Variants in CALN1 observed in about 807,000 individuals in gnomAD.
The protein encoded by CALN1 is calcium-binding protein 8.
A neutral mutation model predicts 30.6 loss-of-function variants in CALN1; 17 were observed. That is an observed-to-expected ratio of 0.56 (90% CI 0.38 to 0.83). The LOEUF is 0.83. Ranked by LOEUF, CALN1 falls within the 40% of genes least tolerant of loss-of-function variation. The pLI, the probability that CALN1 is intolerant of heterozygous loss-of-function variation, is 0.00. For missense variants in CALN1, 291 were observed against 354.9 expected, an observed-to-expected ratio of 0.82 and a Z score of 1.45; for synonymous variants, 156 against 131.4, an observed-to-expected ratio of 1.19 and a Z score of -1.28.
chr7:72,338,525 G>GTGTGTCTGTGTGTCTGTC, intron 2 of CALN1, among the ~76,000 whole-genome samples: 1 of 122,292 alleles, frequency 8.2e-6, no homozygotes. Context: ...GTGTGTGTGT[G>GTGTGTCTGTGTGTCTGTC]TGTCTCACCT....
chr7:72,105,228 C>A (rs1807001722), intron 4 of CALN1, among the ~76,000 whole-genome samples: 1 of 152,176 alleles, frequency 6.6e-6, no homozygotes, highest in South Asian at 2.1e-4. Context: ...GCCCCCGCAC[C>A]TGCCTTAGCT....
At chr7:72,366,599 T>C (rs1412965684) in intron 2 of CALN1, among the ~76,000 whole-genome samples, 1 of 152,126 alleles carries the variant, frequency 6.6e-6, no homozygotes, top group Non-Finnish European at 1.5e-5. Flanking sequence ...CAATGTACAT[T>C]GTACCTAATA....
At chr7:71,872,634 G>A (rs2116746045) in intron 5 of CALN1, among the ~76,000 whole-genome samples, 1 of 148,622 alleles carries the variant, frequency 6.7e-6, no homozygotes, top group South Asian at 2.1e-4. Flanking sequence ...TTTTTTTTGA[G>A]ATACAGTCTC....
intron 2 of CALN1, among the ~76,000 whole-genome samples, chr7:72,393,795 G>A (rs111419089): frequency 2.7e-5 from 4 of 148,828 alleles, no homozygotes; most frequent in African/African-American, 7.4e-5. Context: ...TGTCACCCAG[G>A]CTGCTGCACA....
intron 2 of CALN1, among the ~76,000 whole-genome samples, chr7:72,399,915 T>C (rs1176641476): frequency 6.6e-6 from 1 of 152,128 alleles, no homozygotes; most frequent in Non-Finnish European, 1.5e-5. Context: ...ATGCAAGAGC[T>C]AGTTGTTAAA....
chr7:72,422,714 TTCTC>T (rs991720435), intron 1 of CALN1, among the ~76,000 whole-genome samples: 5 of 152,366 alleles, frequency 3.3e-5, no homozygotes, highest in African/African-American at 1.2e-4. Context: ...TCCTAATTGT[TTCTC>T]TCTCTTTGTC....
chr7:72,051,991 C>T (rs1482340014), intron 4 of CALN1, among the ~76,000 whole-genome samples: 1 of 152,144 alleles, frequency 6.6e-6, no homozygotes, highest in Non-Finnish European at 1.5e-5. Context: ...TGCTTGTTAT[C>T]ATTTTTATTC....
chr7:71,783,375 C>CT lies in CALN1; in HGVS notation c.*4399dup, dbSNP rs1792820582. ...CTAGCAGGGGAATTCCAGACCCCCC[C>CT]TGTTATCTTGGTGAAATGGTAAAAA... On this transcript the variant is annotated 3_prime_UTR_variant, in exon 7 of 7. Transcript: ENST00000395275. 2.0e-5 allele frequency: 3 copies of CT among 152,116 alleles called. No homozygotes were observed. The highest frequency in any genetic ancestry group is 7.2e-5 in the African/African-American group (3 of 41,566). 9.4% of individuals were successfully genotyped at this position (152,116 alleles called of 1,614,324 possible).
chr7:72,174,068 G>A (rs542667665), intron 3 of CALN1, among the ~76,000 whole-genome samples: 8 of 151,174 alleles, frequency 5.3e-5, no homozygotes, highest in African/African-American at 1.7e-4. Flanking sequence ...TATATATAAA[G>A]AATTTATATA....
At chr7:71,856,870 G>A (rs1041664638) in intron 5 of CALN1, among the ~76,000 whole-genome samples, 2 of 152,190 alleles carry the variant, frequency 1.3e-5, no homozygotes, top group African/African-American at 2.4e-5. Context: ...TGGAAGGGTC[G>A]CTTCAACCTG....
At chr7:72,007,490 T>C (rs993642098) in intron 5 of CALN1, among the ~76,000 whole-genome samples, 1 of 152,194 alleles carries the variant, frequency 6.6e-6, no homozygotes, top group Non-Finnish European at 1.5e-5. Context: ...GAGATTGCAA[T>C]GAGCCTGGAT....
chr7:72,225,496 GAA>G (rs1793607598), intron 3 of CALN1, among the ~76,000 whole-genome samples: 1 of 152,016 alleles, frequency 6.6e-6, no homozygotes, highest in South Asian at 2.1e-4. Context: ...GGCCAATGGG[GAA>G]AAGAGGTCAT....
chr7:72,002,374 G>C (rs936128653), intron 5 of CALN1, among the ~76,000 whole-genome samples: 1 of 152,084 alleles, frequency 6.6e-6, no homozygotes, highest in African/African-American at 2.4e-5. Context: ...ATAAAATGTT[G>C]ACCATCTCAT....
chr7:71,894,824 A>G (rs1038252139), intron 5 of CALN1, among the ~76,000 whole-genome samples: 1 of 152,134 alleles, frequency 6.6e-6, no homozygotes, highest in African/African-American at 2.4e-5. Flanking sequence ...AATTCTGTAT[A>G]TTTCTTATTA....
intron 2 of CALN1, among the ~76,000 whole-genome samples, chr7:72,380,023 T>C (rs538913256): frequency 1.3e-5 from 2 of 152,338 alleles, no homozygotes; most frequent in East Asian, 1.9e-4. Flanking sequence ...GATGGAGAAG[T>C]ATTATAAATA....
At chr7:72,213,077 G>C (rs766815910) in intron 3 of CALN1, among the ~76,000 whole-genome samples, 1 of 152,182 alleles carries the variant, frequency 6.6e-6, no homozygotes, top group South Asian at 2.1e-4. Flanking sequence ...TTTCTGCTCA[G>C]AATGAAAATC....
At chr7:71,971,412 T>C (rs950710441) in intron 5 of CALN1, among the ~76,000 whole-genome samples, 2 of 152,170 alleles carry the variant, frequency 1.3e-5, no homozygotes, top group African/African-American at 4.8e-5. Context: ...ATCGTGCCAC[T>C]GCACTCCAGC....
intron 4 of CALN1, among the ~76,000 whole-genome samples, chr7:72,035,993 G>A (rs940516601): frequency 6.6e-6 from 1 of 152,154 alleles, no homozygotes; most frequent in African/African-American, 2.4e-5. Context: ...ATTTCAGCCT[G>A]AAGGACTCTC....
At chr7:72,418,271 T>A (rs898902615) in intron 1 of CALN1, among the ~76,000 whole-genome samples, 4 of 152,228 alleles carry the variant, frequency 2.6e-5, no homozygotes, top group African/African-American at 9.6e-5. Flanking sequence ...TCCAGCTGCA[T>A]CTATGTTGTT....
Sources: gnomAD v4.1 joint callset for allele counts (sites outside exome capture counted in the v4.1 genomes callset) on GRCh38, gnomAD v4.1.1 for gene constraint, MANE v1.5 for transcripts, NCBI Gene and HGNC (gene_info 2026-07-23, HGNC 2026-07-21) for gene names.